CYP19A1: variants seen among roughly 807,000 people sequenced by gnomAD.
CYP19A1 encodes the protein aromatase.
Under a neutral mutation model 44.4 loss-of-function variants are expected in CYP19A1, and 32 were observed. The ratio of observed to expected loss-of-function variants is 0.72; its 90% CI spans 0.54 to 0.97. The LOEUF (loss-of-function observed/expected upper bound fraction) is 0.97, where lower values mean the gene tolerates loss of function less well. Ranked by LOEUF, CYP19A1 falls within the 50% of genes least tolerant of loss-of-function variation. The probability of loss-of-function intolerance (pLI) is 0.00; values close to 1 mark genes in which losing one functional copy is unlikely to be tolerated. For missense variants in CYP19A1, 598 were observed against 637.8 expected, an observed-to-expected ratio of 0.94 and a Z score of 0.67; for synonymous variants, 212 against 215.6, an observed-to-expected ratio of 0.98 and a Z score of 0.14.
At chr15:51,334,686 G>A (rs946031170) in intron 1 of CYP19A1, among the ~76,000 whole-genome samples, 8 of 152,212 alleles carry the variant, frequency 5.3e-5, no homozygotes, top group Admixed American at 6.5e-5. Flanking sequence ...AGCCTGTCAC[G>A]GTTACAATTT....
chr15:51,252,618 T>G (rs1324583457), intron 1 of CYP19A1, among the ~76,000 whole-genome samples: 1 of 152,196 alleles, frequency 6.6e-6, no homozygotes, highest in Non-Finnish European at 1.5e-5. Context: ...GCCCTCAGAC[T>G]GACAGACTCA....
intron 1 of CYP19A1, chr15:51,320,195 G>T (rs1465675864): frequency 6.6e-6 from 1 of 152,208 alleles, no homozygotes; most frequent in Non-Finnish European, 1.5e-5. Context: ...TGCATCATGT[G>T]CATACTGTGA....
intron 1 of CYP19A1, among the ~76,000 whole-genome samples, chr15:51,283,824 C>T (rs564975170): frequency 3.3e-5 from 5 of 152,318 alleles, no homozygotes; most frequent in East Asian, 3.9e-4. Flanking sequence ...GAGGCATACC[C>T]GGCACAGCCA....
chr15:51,312,989 G>A (rs138047476), intron 1 of CYP19A1: 6 of 152,386 alleles, frequency 3.9e-5, no homozygotes, highest in African/African-American at 1.4e-4. Flanking sequence ...CTCTGCCAAG[G>A]CGTTGTGGTT....
chr15:51,277,326 A>T (rs554835520), intron 1 of CYP19A1: 1 of 152,250 alleles, frequency 6.6e-6, no homozygotes, highest in Admixed American at 6.5e-5. Flanking sequence ...AGATGAAGTA[A>T]CAATTCTCAT....
intron 1 of CYP19A1, among the ~76,000 whole-genome samples, chr15:51,256,231 GA>G (rs1566898105): frequency 6.6e-6 from 1 of 152,146 alleles, no homozygotes; most frequent in East Asian, 1.9e-4. Context: ...ATCTGAAATG[GA>G]AAAAATAAGG....
intron 1 of CYP19A1, among the ~76,000 whole-genome samples, chr15:51,334,305 A>G (rs150477395): frequency 6.6e-6 from 1 of 152,346 alleles, no homozygotes; most frequent in African/African-American, 2.4e-5. Flanking sequence ...GACCTTGGGC[A>G]GATCACTTAA....
At chr15:51,267,178 T>A (rs917500058) in intron 1 of CYP19A1, among the ~76,000 whole-genome samples, 26 of 152,238 alleles carry the variant, frequency 1.7e-4, no homozygotes, top group African/African-American at 6.3e-4. Flanking sequence ...TTGGACGCTT[T>A]CAGGAGCAAA....
chr15:51,307,427 A>G (rs2036235385), intron 1 of CYP19A1, among the ~76,000 whole-genome samples: 1 of 152,210 alleles, frequency 6.6e-6, no homozygotes, highest in Non-Finnish European at 1.5e-5. Flanking sequence ...TCTTTGCAGA[A>G]GAATATAATT....
At chr15:51,337,747 G>A (rs1313565202) in intron 1 of CYP19A1, 1 of 152,772 alleles carries the variant, frequency 6.5e-6, no homozygotes, top group Non-Finnish European at 1.5e-5. Context: ...AGGAGAAGAG[G>A]AAAGAGGGCA....
At chr15:51,281,538 G>A (rs919880486) in intron 1 of CYP19A1, among the ~76,000 whole-genome samples, 4 of 152,154 alleles carry the variant, frequency 2.6e-5, no homozygotes, top group Non-Finnish European at 5.9e-5. Flanking sequence ...TGGAAAAGCA[G>A]GACTTGAGCA....
chr15:51,228,129 A>G (rs755030218), intron 3 of CYP19A1, among the ~76,000 whole-genome samples, 196 bp from the exon 4 acceptor site: 3 of 152,166 alleles, frequency 2.0e-5, no homozygotes, highest in Non-Finnish European at 2.9e-5. Flanking sequence ...ATTTCTACCT[A>G]CTGACTCCCT....
chr15:51,227,214 G>C (rs1453801302), intron 4 of CYP19A1, among the ~76,000 whole-genome samples: 1 of 152,024 alleles, frequency 6.6e-6, no homozygotes, highest in Non-Finnish European at 1.5e-5. Context: ...ACTAATGTTT[G>C]GACCTTGGGC....
At chr15:51,289,250 G>C (rs904060401) in intron 1 of CYP19A1, among the ~76,000 whole-genome samples, 1 of 152,150 alleles carries the variant, frequency 6.6e-6, no homozygotes, top group Non-Finnish European at 1.5e-5. Flanking sequence ...CAAATGCCTT[G>C]TTAGACTGTA....
intron 1 of CYP19A1, among the ~76,000 whole-genome samples, chr15:51,300,883 C>T (rs2036098803): frequency 1.3e-5 from 2 of 151,138 alleles, no homozygotes; most frequent in African/African-American, 2.4e-5. Context: ...GGTGGTAGGC[C>T]CCAAACTGAA....
intron 1 of CYP19A1, among the ~76,000 whole-genome samples, chr15:51,275,045 C>T (rs947629924): frequency 2.0e-5 from 3 of 152,176 alleles, no homozygotes; most frequent in South Asian, 2.1e-4. Context: ...GCTTCCGCTC[C>T]GCTTGTGGTT....
chr15:51,216,017 G>GC lies in CYP19A1; in HGVS notation c.744-201_744-200insG, dbSNP rs1438520023. ...CTACACTTCATGTTAAGGTGCCAGA[G>GC]TTAGCTAAGATTTCTGGATACTGGT... On this transcript the variant is annotated intron_variant, in intron 6 of 9. Transcript: ENST00000396402. The GC allele has an allele frequency of 6.4e-6, 7 of 1,098,560 alleles. No individual in the cohort carries two copies. The African/African-American group carries it at 1.1e-4, about 17-fold the overall frequency. 68.1% of individuals were successfully genotyped at this position (1,098,560 alleles called of 1,614,324 possible). A position where few individuals can be genotyped will look rare whatever the true frequency, so the allele number is the denominator to read the frequency against.
chr15:51,296,076 G>A lies in CYP19A1; in HGVS notation c.-39+42419C>T, dbSNP rs369030464. On this transcript the variant is annotated intron_variant, in intron 1 of 9. Transcript: ENST00000396402. ...TAGAAGCTGGATGGCAGGGAGGCCA[G>A]AGAGGCTGGGGCCTGGGAAAAAGAT... is the stretch of plus-strand genomic sequence containing the variant. 2.6e-5 allele frequency among the ~76,000 whole-genome samples: 4 copies of A among 152,048 alleles called. 1 individual carries two copies. Among genetic ancestry groups the A allele is most frequent in the East Asian group, 1.9e-4 (1 of 5,186 alleles).
chr15:51,314,826 G>GT (rs1470027054), intron 1 of CYP19A1, among the ~76,000 whole-genome samples: 1 of 152,168 alleles, frequency 6.6e-6, no homozygotes, highest in Non-Finnish European at 1.5e-5. Context: ...GTCAGCCTCT[G>GT]TCTTTGTTTC....
Sources: allele counts gnomAD v4.1 joint callset (sites outside exome capture counted in the v4.1 genomes callset), GRCh38; gene constraint gnomAD v4.1.1; transcripts MANE v1.5; gene names NCBI Gene and HGNC (gene_info 2026-07-23, HGNC 2026-07-21).